Variants in AOPEP observed in about 807,000 individuals in gnomAD.
AOPEP encodes the protein aminopeptidase O.
In AOPEP, 77 loss-of-function variants were observed where a neutral mutation model predicts 98.1. That is an observed-to-expected ratio of 0.78 (90% CI 0.65 to 0.95). The LOEUF is 0.95. Ranked by LOEUF, AOPEP falls within the 40% of genes least tolerant of loss-of-function variation. The pLI is 0.00. For missense variants in AOPEP, 1,024 were observed against 1,024.7 expected, an observed-to-expected ratio of 1.00 and a Z score of 0.01; for synonymous variants, 346 against 365.3, an observed-to-expected ratio of 0.95 and a Z score of 0.60.
intron 5 of AOPEP, among the ~76,000 whole-genome samples, chr9:94,880,346 T>C (rs1337118921): frequency 3.3e-5 from 5 of 151,806 alleles, no homozygotes; most frequent in Admixed American, 2.0e-4. Context: ...TCTTTTTTTT[T>C]CTTTTTCTTT....
chr9:95,128,960 A>G, the AOPEP span, among the ~76,000 whole-genome samples: 29 of 150,412 alleles, frequency 1.9e-4, no homozygotes, highest in Non-Finnish European at 4.0e-4. Flanking sequence ...GCTGGAGTGC[A>G]GTGGTGATCT....
intron 13 of AOPEP, chr9:95,005,991 C>G (rs1013697984): frequency 3.3e-5 from 16 of 484,198 alleles, no homozygotes; most frequent in African/African-American, 2.6e-4. Context: ...TGTACTTTCT[C>G]TCACCTAGAC....
intron 9 of AOPEP, among the ~76,000 whole-genome samples, chr9:94,961,681 C>T (rs1181764807): frequency 6.6e-6 from 1 of 151,944 alleles, no homozygotes; most frequent in Non-Finnish European, 1.5e-5. Context: ...TTCATTTTAC[C>T]AAATTTATGT....
chr9:94,955,214 G>C lies in AOPEP; in HGVS notation c.1699G>C (p.Gly567Arg). ...KDKTGHTSDS[G>R]ASVIKHGLNP... ...CAAAACTGGCCACACAAGTGACTCG[G>C]GAGCATCTGTTATCAAGCATGGACT... The change falls in exon 8 of 17, where the codon GGA becomes CGA. Residue 567 changes from glycine (G) to arginine (R), a missense_variant. Coordinates refer to ENST00000375315, the MANE Select transcript of AOPEP (RefSeq NM_001193329.3). 6.2e-7 allele frequency: 1 copy of C among 1,613,616 alleles called. No individual in the cohort carries two copies. Among genetic ancestry groups the C allele is most frequent in the South Asian group, 1.1e-5 (1 of 90,942 alleles).
intron 13 of AOPEP, among the ~76,000 whole-genome samples, chr9:95,017,456 A>G (rs1163717922): frequency 6.6e-6 from 1 of 152,224 alleles, no homozygotes; most frequent in Non-Finnish European, 1.5e-5. Flanking sequence ...AAGGGACAGT[A>G]AAAATACAGT....
At position 94,869,743 on chromosome 9, in the gene AOPEP, A is replaced by G. The variant is rs147741114; in HGVS notation, c.1365-54243A>G. On this transcript the variant is annotated intron_variant, in intron 5 of 16. Coordinates refer to ENST00000375315, the MANE Select transcript of AOPEP (RefSeq NM_001193329.3). ...GAATGAATGATTACTTATCTGTAGA[A>G]TGTCATCTGAGTACAGCGTATCTGC... Among the ~76,000 whole-genome samples, 622 of 152,280 alleles carry G rather than the reference A, an allele frequency of 4.1e-3. 6 individuals are homozygous for G. The highest frequency in any genetic ancestry group is 6.6e-3 in the Non-Finnish European group (446 of 68,012).
At chr9:95,117,969 G>C in the AOPEP span, among the ~76,000 whole-genome samples, 1 of 152,038 alleles carries the variant, frequency 6.6e-6, no homozygotes, top group African/African-American at 2.4e-5. Context: ...TGATCTGGCC[G>C]CCTCGGCCTC....
intron 13 of AOPEP, among the ~76,000 whole-genome samples, chr9:95,051,925 G>C (rs2066408326): frequency 6.6e-6 from 1 of 152,044 alleles, no homozygotes; most frequent in Non-Finnish European, 1.5e-5. Flanking sequence ...GGATGGTCTT[G>C]ATCTCCTGAC....
intron 13 of AOPEP, among the ~76,000 whole-genome samples, chr9:95,049,541 A>G (rs978873517): frequency 2.0e-5 from 3 of 152,216 alleles, no homozygotes; most frequent in Non-Finnish European, 4.4e-5. Flanking sequence ...AAGCTCAGAA[A>G]TGTTATTCCT....
chr9:95,005,311 G>T (rs2061913579), intron 12 of AOPEP, 91 bp downstream of exon 12: 3 of 775,196 alleles, frequency 3.9e-6, no homozygotes, highest in Middle Eastern at 4.8e-4. Context: ...TGCGGCGCGC[G>T]GGTGCGGGGA....
At chr9:95,027,951 G>A (rs1041326805) in intron 13 of AOPEP, among the ~76,000 whole-genome samples, 5 of 152,192 alleles carry the variant, frequency 3.3e-5, no homozygotes, top group African/African-American at 1.2e-4. Flanking sequence ...CCCTCTCGTC[G>A]TGGGTGAAGT....
chr9:94,989,460 C>T (rs1378717933), intron 11 of AOPEP, among the ~76,000 whole-genome samples: 2 of 152,106 alleles, frequency 1.3e-5, no homozygotes, highest in Non-Finnish European at 2.9e-5. Context: ...TGGTCTCGAT[C>T]TCCTAACCTC....
chr9:94,819,835 A>G (rs1852601505), intron 5 of AOPEP, among the ~76,000 whole-genome samples: 1 of 151,972 alleles, frequency 6.6e-6, no homozygotes, highest in Non-Finnish European at 1.5e-5. Context: ...GGCCTTCTGA[A>G]GTGCTGGGAT....
At chr9:94,742,334 G>A (rs1341082617) in intron 1 of AOPEP, among the ~76,000 whole-genome samples, 1 of 152,164 alleles carries the variant, frequency 6.6e-6, no homozygotes, top group Non-Finnish European at 1.5e-5. Flanking sequence ...TGTGCTCCTT[G>A]ATGAGTAGCC....
chr9:94,798,546 C>A (rs1378838802), intron 4 of AOPEP, among the ~76,000 whole-genome samples: 1 of 152,162 alleles, frequency 6.6e-6, no homozygotes, highest in African/African-American at 2.4e-5. Flanking sequence ...AGGAAATAAT[C>A]TTTTCCCATG....
intron 7 of AOPEP, among the ~76,000 whole-genome samples, chr9:94,939,981 G>T (rs2056817834): frequency 6.6e-6 from 1 of 152,206 alleles, no homozygotes; most frequent in African/African-American, 2.4e-5. Context: ...AAATAAATTT[G>T]TATTTTGACT....
At chr9:95,093,555 A>T in the AOPEP span, among the ~76,000 whole-genome samples, 2 of 152,192 alleles carry the variant, frequency 1.3e-5, no homozygotes, top group African/African-American at 2.4e-5. Context: ...TATTTTTCTC[A>T]TAGATCACAC....
chr9:94,928,851 G>A, intron 7 of AOPEP: 1 of 258,590 alleles, frequency 3.9e-6, no homozygotes, highest in Non-Finnish European at 7.3e-6. Context: ...TGGCAGCCTG[G>A]CAGACAGTAA....
chr9:94,862,872 A>G (rs1294773384), intron 5 of AOPEP, among the ~76,000 whole-genome samples: 3 of 152,082 alleles, frequency 2.0e-5, no homozygotes, highest in Admixed American at 1.3e-4. Context: ...ATTCTCTCAT[A>G]GTGTTAGGCT....
Sources: gnomAD v4.1 joint callset for allele counts (sites outside exome capture counted in the v4.1 genomes callset) on GRCh38, gnomAD v4.1.1 for gene constraint, MANE v1.5 for transcripts, NCBI Gene and HGNC (gene_info 2026-07-23, HGNC 2026-07-21) for gene names.